The following CDC14A variants were observed in gnomAD, a reference collection of about 807,000 sequenced individuals.
CDC14A encodes cell division cycle 14A, also known as dual specificity protein phosphatase CDC14A.
In CDC14A, 53 loss-of-function variants were observed where a neutral mutation model predicts 74.4. That is an observed-to-expected ratio of 0.71 (90% CI 0.57 to 0.89). The LOEUF (loss-of-function observed/expected upper bound fraction) is 0.89, where lower values mean the gene tolerates loss of function less well. Among genes scored for constraint, CDC14A ranks in the 40% least tolerant of loss-of-function variants. CDC14A has a pLI of 0.00. For missense variants in CDC14A, 646 were observed against 713.7 expected (o/e 0.91, Z 1.08); for synonymous variants, 247 against 258.4 (o/e 0.96, Z 0.43).
intron 3 of CDC14A, among the ~76,000 whole-genome samples, chr1:100,379,969 A>G (rs1655867574): frequency 6.6e-6 from 1 of 152,188 alleles, no homozygotes; most frequent in African/African-American, 2.4e-5. Context: ...ATCTGCCCCC[A>G]TGACCCAAGG....
At chr1:100,367,995 G>A (rs1653903057) in intron 2 of CDC14A, among the ~76,000 whole-genome samples, 2 of 152,244 alleles carry the variant, frequency 1.3e-5, no homozygotes, top group South Asian at 4.1e-4. Context: ...AGTCCCAACT[G>A]GCTTTTTGGA....
intron 3 of CDC14A, among the ~76,000 whole-genome samples, chr1:100,381,117 A>C (rs192474509): frequency 6.6e-6 from 1 of 152,296 alleles, no homozygotes; most frequent in African/African-American, 2.4e-5. Context: ...TTGTGTTCTC[A>C]GTGCCTAGTG....
chr1:100,369,280 T>G (rs554775044), intron 2 of CDC14A, among the ~76,000 whole-genome samples: 4 of 152,254 alleles, frequency 2.6e-5, no homozygotes, highest in African/African-American at 4.8e-5. Flanking sequence ...AGCTAATTTT[T>G]GTATTTTTAG....
chr1:100,373,799 TTC>T (rs1260944276), intron 2 of CDC14A, among the ~76,000 whole-genome samples: 1 of 130,616 alleles, frequency 7.7e-6, no homozygotes, highest in Admixed American at 8.3e-5. Context: ...CTTTCTTTCT[TTC>T]TTTTTTTTTA....
At chr1:100,432,063 C>A (rs1024029442) in intron 5 of CDC14A, among the ~76,000 whole-genome samples, 2 of 152,010 alleles carry the variant, frequency 1.3e-5, no homozygotes, top group African/African-American at 4.8e-5. Context: ...TCCTGTATAG[C>A]CTTATGTTAA....
chr1:100,449,819 A>G (rs1665946778), intron 7 of CDC14A, among the ~76,000 whole-genome samples: 1 of 152,212 alleles, frequency 6.6e-6, no homozygotes, highest in African/African-American at 2.4e-5. Context: ...GAATAATACT[A>G]AAAACAGGAG....
At position 100,424,475 on chromosome 1, in the gene CDC14A, A is replaced by G. The variant is rs1662720352; in HGVS notation, c.389+174A>G. Among the ~76,000 whole-genome samples, 3 of 152,218 alleles carry G rather than the reference A, an allele frequency of 2.0e-5. No individual in the cohort carries two copies. In the South Asian group the frequency reaches 6.2e-4, roughly 31 times the overall value. On this transcript the variant is annotated intron_variant, in intron 5 of 15. Coordinates refer to ENST00000336454, the MANE Select transcript of CDC14A (RefSeq NM_003672.4). ...GTAGAGTTTTATCCCCCTAGCTAGC[A>G]AGAATAAAAGAGCTTTCTTCTTGTA...
chr1:100,455,324 C>T, intron 7 of CDC14A, 81 bp from the exon 8 acceptor site: 1 of 866,542 alleles, frequency 1.2e-6, no homozygotes, highest in South Asian at 1.5e-5. Flanking sequence ...GAGTGAAAAG[C>T]AGTTTTATTT....
intron 4 of CDC14A, among the ~76,000 whole-genome samples, chr1:100,392,697 T>C (rs370778900): frequency 6.6e-6 from 1 of 152,220 alleles, no homozygotes; most frequent in African/African-American, 2.4e-5. Context: ...TCCAACTTCC[T>C]GTACATGTTG....
intron 2 of CDC14A, among the ~76,000 whole-genome samples, chr1:100,374,576 C>T (rs1320729434): frequency 1.3e-5 from 2 of 152,102 alleles, no homozygotes; most frequent in Non-Finnish European, 2.9e-5. Context: ...TCTCATGAAG[C>T]CTGTGTAAAG....
intron 4 of CDC14A, among the ~76,000 whole-genome samples, chr1:100,394,199 C>T (rs895941652): frequency 2.0e-5 from 3 of 152,134 alleles, no homozygotes; most frequent in African/African-American, 7.2e-5. Flanking sequence ...ATTGTATCCT[C>T]AGACTCCTGT....
At chr1:100,424,504 A>G (rs1156736694) in intron 5 of CDC14A, among the ~76,000 whole-genome samples, 1 of 152,160 alleles carries the variant, frequency 6.6e-6, no homozygotes, top group Non-Finnish European at 1.5e-5. Context: ...TCTTGTAGGA[A>G]TTTATTTTTT....
chr1:100,479,251 A>G (rs1489543245), intron 10 of CDC14A, among the ~76,000 whole-genome samples: 3 of 152,214 alleles, frequency 2.0e-5, no homozygotes, highest in Non-Finnish European at 2.9e-5. Context: ...ATTGACTTCT[A>G]TCATTTCCTT....
chr1:100,466,885 A>ATAAAT (rs1320680009), intron 9 of CDC14A, among the ~76,000 whole-genome samples: 6 of 136,960 alleles, frequency 4.4e-5, no homozygotes, highest in African/African-American at 2.2e-4. Flanking sequence ...AAAAAAAAAA[A>ATAAAT]AAAAAGAAGG....
At chr1:100,401,969 C>T (rs926492149) in intron 4 of CDC14A, among the ~76,000 whole-genome samples, 38 of 151,414 alleles carry the variant, frequency 2.5e-4, no homozygotes, top group South Asian at 8.3e-4. Context: ...ACCCGGGAGG[C>T]GGAGGTTGTG....
chr1:100,418,644 G>A (rs148565449), intron 4 of CDC14A, among the ~76,000 whole-genome samples: 8 of 152,232 alleles, frequency 5.3e-5, no homozygotes, highest in South Asian at 2.1e-4. Flanking sequence ...CCTAGAGTAC[G>A]GTGATAAGGG....
intron 4 of CDC14A, among the ~76,000 whole-genome samples, chr1:100,410,554 G>A (rs1660553392): frequency 1.3e-5 from 2 of 151,602 alleles, no homozygotes; most frequent in African/African-American, 2.4e-5. Flanking sequence ...TCCTGACCTC[G>A]TGATTGCCTG....
At chr1:100,440,033 T>C (rs1218776444) in intron 6 of CDC14A, 35 bp downstream of exon 6, 6 of 1,475,970 alleles carry the variant, frequency 4.1e-6, no homozygotes, top group East Asian at 2.3e-5. Context: ...GTTGACACAG[T>C]AGTTTAAAAA....
At chr1:100,417,329 AT>A (rs1661667615) in intron 4 of CDC14A, among the ~76,000 whole-genome samples, 1 of 152,208 alleles carries the variant, frequency 6.6e-6, no homozygotes, top group Non-Finnish European at 1.5e-5. Flanking sequence ...TTTAAGCTCC[AT>A]AATGGAGATT....
Sources: allele counts gnomAD v4.1 joint callset (sites outside exome capture counted in the v4.1 genomes callset), GRCh38; gene constraint gnomAD v4.1.1; transcripts MANE v1.5; gene names NCBI Gene and HGNC (gene_info 2026-07-23, HGNC 2026-07-21).